The following CFAP54 variants were observed in gnomAD, a reference collection of about 807,000 sequenced individuals.
CFAP54 encodes the protein cilia and flagella associated protein 54.
CFAP54 carries 290 observed loss-of-function variants against 370.4 expected under a neutral mutation model. That is an observed-to-expected ratio of 0.78 (90% CI 0.71 to 0.86). The LOEUF (loss-of-function observed/expected upper bound fraction) is 0.86. Ranked by LOEUF, CFAP54 falls within the 40% of genes least tolerant of loss-of-function variation. The pLI, the probability that CFAP54 is intolerant of heterozygous loss-of-function variation, is 0.00. For missense variants in CFAP54, 3,399 were observed against 3,528.7 expected, an observed-to-expected ratio of 0.96 and a Z score of 0.93; for synonymous variants, 1,206 against 1,236.5, an observed-to-expected ratio of 0.98 and a Z score of 0.52.
chr12:96,522,588 C>T (rs1955332668), intron 8 of CFAP54, among the ~76,000 whole-genome samples: 1 of 152,174 alleles, frequency 6.6e-6, no homozygotes, highest in Admixed American at 6.5e-5. Flanking sequence ...TTCTCATCAG[C>T]CTTAGGTTTC....
rs78370663 is a variant in CFAP54 at position 96,761,172 on chromosome 12, A to C, written c.8041-2979A>C. Among the ~76,000 whole-genome samples, 858 of 152,254 alleles carry C rather than the reference A, an allele frequency of 5.6e-3. 8 individuals are homozygous for C. Among genetic ancestry groups the C allele is most frequent in the African/African-American group, 0.019 (809 of 41,550 alleles). ...GTAGTACCCATGCTAGTAGGTATGA[A>C]GTGGTATCTCACTGTGGTTTTGATT... On this transcript the variant is annotated intron_variant, in intron 58 of 67. Coordinates refer to ENST00000524981, the MANE Select transcript of CFAP54 (RefSeq NM_001306084.2).
chr12:96,526,068 G>T (rs1051186872), intron 8 of CFAP54, among the ~76,000 whole-genome samples: 1 of 152,214 alleles, frequency 6.6e-6, no homozygotes, highest in South Asian at 2.1e-4. Context: ...GTGCTTGCGG[G>T]AAAGTAGTTC....
intron 50 of CFAP54, 81 bp from the exon 51 acceptor site, chr12:96,739,875 T>C: frequency 2.3e-6 from 2 of 864,024 alleles, no homozygotes; most frequent in Non-Finnish European, 3.5e-6. Flanking sequence ...GAATGTTTTT[T>C]GGAGAAAGTG....
chr12:96,793,762 A>G (rs1466184574), intron 63 of CFAP54, among the ~76,000 whole-genome samples: 2 of 152,064 alleles, frequency 1.3e-5, no homozygotes, highest in Admixed American at 1.3e-4. Flanking sequence ...CAGGAACAAG[A>G]TGGTATTTGC....
At chr12:96,500,974 T>A in intron 2 of CFAP54, 35 bp downstream of exon 2, 1 of 1,264,662 alleles carries the variant, frequency 7.9e-7, no homozygotes. Context: ...CAAAAAGAAG[T>A]TCATTTGGCT....
intron 61 of CFAP54, among the ~76,000 whole-genome samples, chr12:96,786,200 CT>C (rs35563047): frequency 0.32 from 44,121 of 137,524 alleles, 7,063 homozygotes; most frequent in East Asian, 0.43. Flanking sequence ...TTTTTTTAAT[CT>C]TTTTTTTTTT....
intron 66 of CFAP54, among the ~76,000 whole-genome samples, chr12:96,835,680 A>G (rs1364597198): frequency 2.0e-5 from 3 of 152,206 alleles, no homozygotes; most frequent in Non-Finnish European, 4.4e-5. Context: ...CTGAGTTTAC[A>G]GCTGCAGTTT....
chr12:96,738,811 C>T (rs1308527558), intron 50 of CFAP54, among the ~76,000 whole-genome samples: 4 of 152,160 alleles, frequency 2.6e-5, no homozygotes, highest in South Asian at 2.1e-4. Context: ...TGGGTTTCAC[C>T]GTGTTAGCCA....
intron 1 of CFAP54, among the ~76,000 whole-genome samples, chr12:96,495,238 CTCCTTCCTTCCTTCCTTCCT>C (rs58756915): frequency 0.28 from 36,777 of 133,076 alleles, 5,372 homozygotes; most frequent in Non-Finnish European, 0.29. Context: ...CTTTTCTTTT[CTCCTTCCTTCCTTCCTTCCT>C]TCCTTCCTTC....
At chr12:96,702,918 T>C (rs531687821) in intron 46 of CFAP54, among the ~76,000 whole-genome samples, 1 of 152,334 alleles carries the variant, frequency 6.6e-6, no homozygotes, top group South Asian at 2.1e-4. Flanking sequence ...AAAAAAATTC[T>C]GTATTTTAAC....
intron 46 of CFAP54, among the ~76,000 whole-genome samples, chr12:96,702,481 G>T (rs1387636001): frequency 6.6e-6 from 1 of 152,142 alleles, no homozygotes; most frequent in African/African-American, 2.4e-5. Flanking sequence ...AGTCCAGGAG[G>T]ATGAGAAGGA....
intron 67 of CFAP54, among the ~76,000 whole-genome samples, chr12:96,874,640 T>A (rs1960256163): frequency 1.2e-5 from 1 of 83,018 alleles, no homozygotes; most frequent in Admixed American, 1.2e-4. Context: ...TTATTTTTTT[T>A]TTTTTTTGAG....
intron 38 of CFAP54, among the ~76,000 whole-genome samples, chr12:96,663,192 G>T (rs1318466676): frequency 6.6e-6 from 1 of 152,100 alleles, no homozygotes; most frequent in East Asian, 1.9e-4. Flanking sequence ...CATTATAAAA[G>T]TACTACTCAC....
chr12:96,741,472 C>T (rs1299103575), intron 51 of CFAP54, among the ~76,000 whole-genome samples: 1 of 152,106 alleles, frequency 6.6e-6, no homozygotes, highest in Non-Finnish European at 1.5e-5. Flanking sequence ...ATGTTGACTG[C>T]TTACCCTTGT....
At chr12:96,497,036 C>T (rs373624116) in intron 1 of CFAP54, among the ~76,000 whole-genome samples, 2 of 152,284 alleles carry the variant, frequency 1.3e-5, no homozygotes, top group East Asian at 3.9e-4. Context: ...TCTTCCCAAT[C>T]CTTTATTCAT....
chr12:96,810,968 G>T (rs1958923040), intron 63 of CFAP54, among the ~76,000 whole-genome samples: 1 of 152,046 alleles, frequency 6.6e-6, no homozygotes, highest in Non-Finnish European at 1.5e-5. Context: ...TACCTGTGCT[G>T]GGTTAAAAGG....
At chr12:96,665,771 C>T (rs1271640464) in intron 39 of CFAP54, among the ~76,000 whole-genome samples, 6 of 152,060 alleles carry the variant, frequency 3.9e-5, no homozygotes, top group Admixed American at 3.3e-4. Context: ...CAGCTTTGTC[C>T]TTTTTGCTTA....
intron 34 of CFAP54, 68 bp downstream of exon 34, chr12:96,648,085 A>T (rs1414690572): frequency 8.3e-7 from 1 of 1,204,072 alleles, no homozygotes; most frequent in Non-Finnish European, 1.1e-6. Flanking sequence ...AACACAGCAC[A>T]CATACACATT....
chr12:96,718,584 G>T, intron 49 of CFAP54, 62 bp downstream of exon 49: 1 of 941,318 alleles, frequency 1.1e-6, no homozygotes, highest in African/African-American at 1.7e-5. Flanking sequence ...ATTAGGCCCT[G>T]GATGGGCCTG....
Sources: gnomAD v4.1 joint callset for allele counts (sites outside exome capture counted in the v4.1 genomes callset) on GRCh38, gnomAD v4.1.1 for gene constraint, MANE v1.5 for transcripts, NCBI Gene and HGNC (gene_info 2026-07-23, HGNC 2026-07-21) for gene names.